Variants in ART3 observed in about 807,000 individuals in gnomAD.
ART3 encodes the protein ecto-ADP-ribosyltransferase 3.
Under a neutral mutation model 48.5 loss-of-function variants are expected in ART3, and 49 were observed. The observed-to-expected ratio is 1.01, with a 90% CI of 0.80 to 1.28. The LOEUF (loss-of-function observed/expected upper bound fraction) is 1.28, where lower values mean the gene tolerates loss of function less well. Among genes scored for constraint, ART3 ranks in the 50% most tolerant of loss-of-function variants. The pLI is 0.00. For synonymous variants in ART3, 145 were observed against 157.2 expected (o/e 0.92, Z 0.58); for missense variants, 438 against 454.3 (o/e 0.96, Z 0.33).
chr4:76,097,809 A>G lies in ART3; in HGVS notation c.814+133A>G, dbSNP rs574415942. 1.2e-4 allele frequency: 85 copies of G among 737,958 alleles called. 1 individual carries two copies. Among genetic ancestry groups the G allele is most frequent in the African/African-American group, 1.1e-3 (66 of 57,588 alleles). 45.7% of individuals were successfully genotyped at this position (737,958 alleles called of 1,614,324 possible). A position where few individuals can be genotyped will look rare whatever the true frequency, so the allele number is the denominator to read the frequency against. On this transcript the variant is annotated intron_variant, in intron 4 of 11. Transcript: ENST00000355810. ...CATTTTCTCAAGGCTAAATTGTGCT[A>G]CTACTGCTAGTACCTTTTCAGGTGG...
intron 3 of ART3, among the ~76,000 whole-genome samples, chr4:76,087,076 G>A (rs1723762847): frequency 6.6e-6 from 1 of 152,162 alleles, no homozygotes; most frequent in Non-Finnish European, 1.5e-5. Flanking sequence ...TTGTGGAACC[G>A]TTAGTTATAT....
chr4:76,054,177 T>C (rs182211727), intron 1 of ART3, among the ~76,000 whole-genome samples: 18 of 152,312 alleles, frequency 1.2e-4, no homozygotes, highest in Admixed American at 9.8e-4. Flanking sequence ...CTGGTCGATA[T>C]TATTTCAGGG....
intron 2 of ART3, among the ~76,000 whole-genome samples, chr4:76,076,528 G>T (rs1459229886): frequency 6.6e-6 from 1 of 152,148 alleles, no homozygotes; most frequent in Non-Finnish European, 1.5e-5. Context: ...CAACCTGTTG[G>T]TGTATACAGG....
At chr4:76,049,216 A>G (rs1294084103) in intron 1 of ART3, among the ~76,000 whole-genome samples, 1 of 151,976 alleles carries the variant, frequency 6.6e-6, no homozygotes, top group Admixed American at 6.6e-5. Context: ...CTTATAGGAG[A>G]AACTAGAAAA....
At position 76,112,405 on chromosome 4, in the gene ART3, T is replaced by G; in HGVS notation, c.1056T>G (p.Val352=). 1 of 1,614,044 alleles carries G rather than the reference T, an allele frequency of 6.2e-7. No individual in the cohort carries two copies. The highest frequency in any genetic ancestry group is 8.5e-7 in the Non-Finnish European group (1 of 1,179,988). The part of the protein sequence containing the change: ...INNPTPGPVP[V]PGPKSHPSAS... ...TAACAGCTCCAGGTCCAGTTCCTGT[T>G]CCAGGTCCCAAAAGCCATCCTTCTG... Residue 352 remains valine (V), a synonymous_variant, in exon 12 of 12, where the codon GTT becomes GTG. Coordinates refer to ENST00000355810, the MANE Select transcript of ART3 (RefSeq NM_001130016.3).
chr4:76,105,607 C>A (rs1393328929), intron 10 of ART3: 2 of 1,274,888 alleles, frequency 1.6e-6, no homozygotes, highest in Non-Finnish European at 2.0e-6. Context: ...AGTCCTTTAC[C>A]ATAATCATTC....
At chr4:76,112,355 T>A (rs1369347509) in intron 11 of ART3, 31 bp from the exon 12 acceptor site, 1 of 1,578,322 alleles carries the variant, frequency 6.3e-7, no homozygotes, top group East Asian at 2.3e-5. Flanking sequence ...TAAAAAATGA[T>A]GTGTCAGTGA....
rs367923227 is a variant in ART3, at chr4:76,012,859, C to T, written c.-10+1539C>T. Among the ~76,000 whole-genome samples the T allele has an allele frequency of 1.3e-3, 197 of 152,258 alleles. 3 individuals are homozygous for T. Among genetic ancestry groups the T allele is most frequent in the African/African-American group, 4.4e-3 (182 of 41,548 alleles). ...CATGTTTATACTTAAAATATCCATACTTATTTAAAATGTCACTTTAAAATT... is the reference window on the plus strand; with the variant it reads ...CATGTTTATACTTAAAATATCCATATTTATTTAAAATGTCACTTTAAAATT... On this transcript the variant is annotated intron_variant, in intron 1 of 9. Transcript: ENST00000341029.
At position 76,082,386 on chromosome 4, in the gene ART3, T is replaced by C. The variant is rs774579563; in HGVS notation, c.632T>C (p.Ile211Thr). 1.2e-6 allele frequency: 2 copies of C among 1,614,094 alleles called. No homozygotes were observed. Among genetic ancestry groups the C allele is most frequent in the African/African-American group, 1.3e-5 (1 of 74,936 alleles). The change falls in exon 3 of 12, where the codon ATT becomes ACT. Residue 211 changes from isoleucine (I) to threonine (T), a missense_variant. Physicochemically the swap from Ile to Thr is moderately conservative, Grantham distance 89. Coordinates refer to ENST00000355810, the MANE Select transcript of ART3 (RefSeq NM_001130016.3). Reference sequence around the variant, plus strand: ...ATCTACACATGCCTTGGAGTTGACATTGAAAATTTTCTTGATAAAGAAAGT... The same window carrying C: ...ATCTACACATGCCTTGGAGTTGACACTGAAAATTTTCTTGATAAAGAAAGT... The part of the protein sequence containing the change: ...LSIYTCLGVD[I>T]ENFLDKESER...
intron 10 of ART3, chr4:76,105,755 G>A (rs1228748778): frequency 1.0e-6 from 1 of 985,294 alleles, no homozygotes. Flanking sequence ...GGTTCTCTGG[G>A]CCAAACATCA....
At chr4:76,078,692 AG>A (rs1721690622) in intron 2 of ART3, among the ~76,000 whole-genome samples, 3 of 152,212 alleles carry the variant, frequency 2.0e-5, no homozygotes, top group Non-Finnish European at 4.4e-5. Flanking sequence ...TAATGAAGAC[AG>A]AATTACACTC....
chr4:76,021,892 C>A, intron 1 of ART3: 1 of 1,597,296 alleles, frequency 6.3e-7, no homozygotes, highest in East Asian at 2.2e-5. Flanking sequence ...TGTGGTCCAT[C>A]CTTGGAAGCA....
At chr4:76,040,035 A>G (rs1037730414) in intron 1 of ART3, among the ~76,000 whole-genome samples, 2 of 152,202 alleles carry the variant, frequency 1.3e-5, no homozygotes, top group African/African-American at 4.8e-5. Flanking sequence ...ATTTTAAAAA[A>G]ACATTAGAGC....
At chr4:76,073,577 A>G (rs1056775707), upstream of ART3, among the ~76,000 whole-genome samples, 5 of 152,216 alleles carry the variant, frequency 3.3e-5, no homozygotes, top group Admixed American at 1.3e-4. Flanking sequence ...GTGTGTACAA[A>G]AAAAACACAT....
intron 1 of ART3, chr4:76,023,385 A>T: frequency 6.2e-7 from 1 of 1,613,616 alleles, no homozygotes; most frequent in Admixed American, 1.7e-5. Flanking sequence ...AATGCCACTT[A>T]GAGTCAGAAA....
intron 3 of ART3, among the ~76,000 whole-genome samples, chr4:76,097,136 A>T (rs1202226127): frequency 6.6e-6 from 1 of 152,182 alleles, no homozygotes; most frequent in Admixed American, 6.5e-5. Context: ...CGGAAAGCTT[A>T]GGTGTTTTGT....
At chr4:76,111,531 T>TA (rs1026935640) in intron 11 of ART3, among the ~76,000 whole-genome samples, 3 of 146,070 alleles carry the variant, frequency 2.1e-5, no homozygotes, top group African/African-American at 7.9e-5. Context: ...TATTTTATTG[T>TA]AAAAATACAG....
intron 1 of ART3, among the ~76,000 whole-genome samples, chr4:76,014,842 A>G (rs1732119685): frequency 6.6e-6 from 1 of 152,192 alleles, no homozygotes; most frequent in Non-Finnish European, 1.5e-5. Context: ...ATCCTAGATA[A>G]TATTAACAGC....
intron 1 of ART3, among the ~76,000 whole-genome samples, chr4:76,019,864 A>G (rs957518154): frequency 1.3e-5 from 2 of 152,088 alleles, no homozygotes; most frequent in African/African-American, 4.8e-5. Context: ...GATAATGCCA[A>G]ACTGTTTTCC....
Sources: allele counts gnomAD v4.1 joint callset (sites outside exome capture counted in the v4.1 genomes callset), GRCh38; gene constraint gnomAD v4.1.1; transcripts MANE v1.5; gene names NCBI Gene and HGNC (gene_info 2026-07-23, HGNC 2026-07-21).